SND1: variants seen among roughly 807,000 people sequenced by gnomAD.
SND1 encodes staphylococcal nuclease and tudor domain containing 1, also known as staphylococcal nuclease domain-containing protein 1.
A neutral mutation model predicts 121.7 loss-of-function variants in SND1; 38 were observed. The observed-to-expected ratio is 0.31, with a 90% CI of 0.24 to 0.41. SND1 has a LOEUF of 0.41. SND1 is among the 10% of genes least tolerant of loss of function. SND1 has a pLI of 1.00. For missense variants in SND1, 868 were observed against 1,184.6 expected, an observed-to-expected ratio of 0.73 and a Z score of 3.92; for synonymous variants, 401 against 447.4, an observed-to-expected ratio of 0.90 and a Z score of 1.31.
At chr7:127,955,511 G>T (rs777490488) in intron 15 of SND1, among the ~76,000 whole-genome samples, 2 of 152,164 alleles carry the variant, frequency 1.3e-5, no homozygotes, top group Non-Finnish European at 2.9e-5. Context: ...TTGTGGGGGG[G>T]TGGTGGCACG....
At chr7:127,677,489 A>G (rs1208817380) in intron 1 of SND1, among the ~76,000 whole-genome samples, 1 of 152,178 alleles carries the variant, frequency 6.6e-6, no homozygotes, top group Admixed American at 6.5e-5. Flanking sequence ...TGCACTTGCT[A>G]TTTAGACGAC....
At chr7:127,766,503 CG>C (rs1344453674) in intron 10 of SND1, among the ~76,000 whole-genome samples, 1 of 152,070 alleles carries the variant, frequency 6.6e-6, no homozygotes, top group Non-Finnish European at 1.5e-5. Context: ...AGGCCGGGCG[CG>C]ATGGCTCATG....
intron 16 of SND1, among the ~76,000 whole-genome samples, chr7:128,018,357 G>A (rs1352669260): frequency 6.6e-6 from 1 of 152,210 alleles, no homozygotes. Context: ...TCCAGCTGCT[G>A]ACAGCCCAGC....
chr7:128,061,047 G>A (rs773202152), intron 16 of SND1, among the ~76,000 whole-genome samples: 1 of 152,124 alleles, frequency 6.6e-6, no homozygotes, highest in Non-Finnish European at 1.5e-5. Context: ...TGGCCCCACT[G>A]GGGGGTCACA....
chr7:127,846,659 T>C (rs975654521), intron 12 of SND1, among the ~76,000 whole-genome samples: 11 of 152,240 alleles, frequency 7.2e-5, no homozygotes, highest in African/African-American at 2.4e-4. Flanking sequence ...TGGATGTTAG[T>C]AGCATCTAAG....
At chr7:127,860,723 G>A (rs1252789406) in intron 12 of SND1, among the ~76,000 whole-genome samples, 7 of 152,224 alleles carry the variant, frequency 4.6e-5, no homozygotes, top group Non-Finnish European at 8.8e-5. Flanking sequence ...AGTAAAAGGT[G>A]TTAATCTCTT....
At chr7:127,663,739 G>C (rs904007698) in intron 1 of SND1, among the ~76,000 whole-genome samples, 1 of 152,130 alleles carries the variant, frequency 6.6e-6, no homozygotes, top group East Asian at 1.9e-4. Context: ...TCTTAATACT[G>C]ACAGGTGGAG....
chr7:128,051,557 A>T (rs1461106034), intron 16 of SND1, among the ~76,000 whole-genome samples: 1 of 152,192 alleles, frequency 6.6e-6, no homozygotes, highest in East Asian at 1.9e-4. Context: ...CAAAGGAGGT[A>T]ATTATTCTGC....
chr7:127,870,689 C>T (rs1429501496), intron 12 of SND1, among the ~76,000 whole-genome samples: 2 of 152,070 alleles, frequency 1.3e-5, no homozygotes, highest in African/African-American at 4.8e-5. Flanking sequence ...CTGGCAGGAC[C>T]GGAAGTTGCT....
rs376026966 is a variant in SND1 at position 128,043,067 on chromosome 7, A to G, written c.1780-31435A>G. ...AGAAGACAGCATCACTGGCACGTGA[A>G]TGGCAGGCTGGGCTTAGTCTTCTAC... On this transcript the variant is annotated intron_variant, in intron 16 of 23. Coordinates refer to ENST00000354725, the MANE Select transcript of SND1 (RefSeq NM_014390.4). Among the ~76,000 whole-genome samples the G allele has an allele frequency of 9.2e-5, 14 of 152,328 alleles. No homozygotes were observed. The East Asian group carries it at 1.2e-3, about 13-fold the overall frequency.
chr7:128,058,373 A>G (rs779776394), intron 16 of SND1, among the ~76,000 whole-genome samples: 1 of 152,270 alleles, frequency 6.6e-6, no homozygotes, highest in Non-Finnish European at 1.5e-5. Context: ...TATTACTCCC[A>G]TGTTACAGCT....
At chr7:127,695,847 G>A (rs751601986) in intron 3 of SND1, among the ~76,000 whole-genome samples, 10 of 152,136 alleles carry the variant, frequency 6.6e-5, no homozygotes, top group East Asian at 1.9e-4. Context: ...AATAGTATAT[G>A]TAAAGCACCT....
chr7:127,759,736 G>A (rs564471331), intron 10 of SND1, among the ~76,000 whole-genome samples: 1 of 152,130 alleles, frequency 6.6e-6, no homozygotes, highest in Admixed American at 6.6e-5. Flanking sequence ...TATTTATGTT[G>A]CAAACCATAT....
At chr7:128,060,450 CCT>C (rs1451295915) in intron 16 of SND1, among the ~76,000 whole-genome samples, 1 of 152,170 alleles carries the variant, frequency 6.6e-6, no homozygotes, top group Non-Finnish European at 1.5e-5. Context: ...CTGAGAATCT[CCT>C]CTGAGTCCTT....
At chr7:127,844,533 T>A in intron 12 of SND1, 109 bp downstream of exon 12, 1 of 828,882 alleles carries the variant, frequency 1.2e-6, no homozygotes, top group Non-Finnish European at 1.9e-6. Flanking sequence ...CTCCTGCTCT[T>A]AACTCAGTGG....
intron 2 of SND1, chr7:127,687,225 A>T (rs1795829029): frequency 6.6e-6 from 1 of 152,568 alleles, no homozygotes; most frequent in Admixed American, 6.5e-5. Context: ...CTCCTTCCAG[A>T]GATAGTTAAA....
At chr7:127,718,679 A>G (rs1249916387) in intron 9 of SND1, 13 of 985,250 alleles carry the variant, frequency 1.3e-5, no homozygotes, top group African/African-American at 3.5e-5. Flanking sequence ...TGCTGCTAAC[A>G]TATTACAAGG....
intron 1 of SND1, among the ~76,000 whole-genome samples, chr7:127,665,763 A>C (rs1251955606): frequency 6.6e-6 from 1 of 152,158 alleles, no homozygotes; most frequent in Non-Finnish European, 1.5e-5. Context: ...CTGTTCCAGG[A>C]GAGCGGGAAT....
intron 11 of SND1, among the ~76,000 whole-genome samples, chr7:127,841,773 A>G (rs773974746): frequency 2.6e-5 from 4 of 152,082 alleles, no homozygotes; most frequent in Admixed American, 6.6e-5. Flanking sequence ...TAGTTGTTCA[A>G]TCCCCCTGTC....
Sources: allele counts gnomAD v4.1 joint callset (sites outside exome capture counted in the v4.1 genomes callset), GRCh38; gene constraint gnomAD v4.1.1; transcripts MANE v1.5; gene names NCBI Gene and HGNC (gene_info 2026-07-23, HGNC 2026-07-21).